GSE1: variants seen among roughly 807,000 people sequenced by gnomAD.
GSE1 encodes the protein genetic suppressor element 1.
Under a neutral mutation model 112.6 loss-of-function variants are expected in GSE1, and 32 were observed. The observed-to-expected ratio is 0.28, with a 90% CI of 0.21 to 0.38. GSE1 has a LOEUF of 0.38. Among genes scored for constraint, GSE1 ranks in the 10% least tolerant of loss-of-function variants. The pLI, the probability that GSE1 is intolerant of heterozygous loss-of-function variation, is 1.00. For synonymous variants in GSE1, 1,115 were observed against 735.6 expected, an observed-to-expected ratio of 1.52 and a Z score of -8.35; for missense variants, 2,348 against 1,699.2, an observed-to-expected ratio of 1.38 and a Z score of -6.71.
chr16:85,598,434 A>G (rs2047328295), intron 1 of GSE1, among the ~76,000 whole-genome samples: 1 of 152,118 alleles, frequency 6.6e-6, no homozygotes, highest in South Asian at 2.1e-4. Context: ...CTGGCCCTCC[A>G]TGCTTGGTAT....
intron 2 of GSE1, among the ~76,000 whole-genome samples, chr16:85,400,313 T>G (rs1258523654): frequency 6.7e-6 from 1 of 149,030 alleles, no homozygotes; most frequent in Non-Finnish European, 1.5e-5. Flanking sequence ...GTGTATGATT[T>G]TGTGTGTGTG....
intron 1 of GSE1, among the ~76,000 whole-genome samples, chr16:85,621,955 A>T (rs1021001027): frequency 2.6e-5 from 4 of 152,094 alleles, no homozygotes; most frequent in African/African-American, 9.7e-5. Flanking sequence ...CTTTGTTACC[A>T]GTCTTGGTGG....
intron 1 of GSE1, among the ~76,000 whole-genome samples, chr16:85,557,973 T>C (rs911234731): frequency 2.0e-5 from 3 of 152,116 alleles, no homozygotes; most frequent in African/African-American, 7.2e-5. Flanking sequence ...CTTTTTTTTT[T>C]CTCCTCCTCT....
intron 1 of GSE1, among the ~76,000 whole-genome samples, chr16:85,598,319 G>A (rs966552078): frequency 6.6e-6 from 1 of 152,102 alleles, no homozygotes; most frequent in African/African-American, 2.4e-5. Flanking sequence ...GCGCAGGGCA[G>A]TTCGGGTGGG....
At position 85,502,151 on chromosome 16, in the gene GSE1, G is replaced by C. The variant is rs2051390120; in HGVS notation, c.2465-131763G>C. The stretch of plus-strand genomic sequence containing the variant: ...GGGAAGGCAGCTGGAGGTTGGGTGA[G>C]ATGGGATGGAACTGCCCAGCTGAGC... On this transcript the variant is annotated intron_variant, in intron 2 of 2. Transcript: ENST00000637419. Among the ~76,000 whole-genome samples, 5 of 152,338 alleles carry C rather than the reference G, an allele frequency of 3.3e-5. No individual in the cohort carries two copies. The South Asian group carries it at 8.3e-4, about 25-fold the overall frequency.
At chr16:85,286,994 G>A (rs1029838497) in intron 1 of GSE1, among the ~76,000 whole-genome samples, 2 of 152,230 alleles carry the variant, frequency 1.3e-5, no homozygotes, top group African/African-American at 2.4e-5. Flanking sequence ...GCTCCAGCGG[G>A]TCACTCTGCC....
intron 2 of GSE1, among the ~76,000 whole-genome samples, chr16:85,637,361 T>C (rs565941417): frequency 6.6e-6 from 1 of 152,194 alleles, no homozygotes; most frequent in East Asian, 1.9e-4. Flanking sequence ...ACGACCCGGG[T>C]CGGGGGAGCT....
rs915142141 is a variant in GSE1 at position 85,549,506 on chromosome 16, A to G, written c.2465-84408A>G. On this transcript the variant is annotated intron_variant, in intron 2 of 2. Transcript: ENST00000637419. The stretch of plus-strand genomic sequence containing the variant: ...TAGACATCACTTTTGGCAGATTACC[A>G]TTCTGCCTGCTGCACAGGGGCAGGC... 5.9e-5 allele frequency among the ~76,000 whole-genome samples: 9 copies of G among 152,224 alleles called. 1 individual carries two copies. The highest frequency in any genetic ancestry group is 1.3e-4 in the Admixed American group (2 of 15,286).
At chr16:85,403,764 T>G (rs1477834393) in intron 2 of GSE1, among the ~76,000 whole-genome samples, 16 of 152,168 alleles carry the variant, frequency 1.1e-4, no homozygotes. Flanking sequence ...ATCCTGCCAC[T>G]GCACTCCAGT....
intron 2 of GSE1, among the ~76,000 whole-genome samples, chr16:85,481,069 C>T (rs1597896955): frequency 6.6e-6 from 1 of 152,170 alleles, no homozygotes; most frequent in African/African-American, 2.4e-5. Context: ...TCGGTTTCGG[C>T]GTTTTTCTCC....
rs60860144 is a variant in GSE1, at chr16:85,235,428, CTGTGTGTGTGTGTGTGTGTGTG to C, written c.2283+63643_2283+63664del. ...GGGTGAGGGGGGTGATGGAAGGGTACTGTGTGTGTGTGTGTGTGTGTGTGTGTGTGTGTGTGTGTGTGTAGGG... is the reference window on the plus strand; with the variant it reads ...GGGTGAGGGGGGTGATGGAAGGGTACTGTGTGTGTGTGTGTGTGTGTAGGG... On this transcript the variant is annotated intron_variant, in intron 1 of 2. Transcript: ENST00000637419. Among the ~76,000 whole-genome samples the C allele has an allele frequency of 2.2e-3, 273 of 126,398 alleles. 1 individual carries two copies. The highest frequency in any genetic ancestry group is 7.7e-3 in the African/African-American group (250 of 32,608). 82.9% of individuals were successfully genotyped at this position (126,398 alleles called of 152,430 possible).
chr16:85,424,817 C>T (rs2048931082), intron 2 of GSE1, among the ~76,000 whole-genome samples: 1 of 152,280 alleles, frequency 6.6e-6, no homozygotes, highest in African/African-American at 2.4e-5. Context: ...GCCGCTGGAG[C>T]CTGTGTTTCC....
At chr16:85,267,984 C>T (rs1464406818) in intron 1 of GSE1, among the ~76,000 whole-genome samples, 2 of 152,136 alleles carry the variant, frequency 1.3e-5, no homozygotes, top group African/African-American at 4.8e-5. Context: ...GGGTTGTGGC[C>T]AGGATTAACT....
chr16:85,196,490 T>G (rs1218619852), intron 1 of GSE1, among the ~76,000 whole-genome samples: 1 of 152,094 alleles, frequency 6.6e-6, no homozygotes, highest in Non-Finnish European at 1.5e-5. Context: ...TTTCTTAATT[T>G]GAGAGAGAAA....
At chr16:85,173,283 T>C (rs1201708411) in intron 1 of GSE1, among the ~76,000 whole-genome samples, 1 of 152,220 alleles carries the variant, frequency 6.6e-6, no homozygotes, top group Non-Finnish European at 1.5e-5. Flanking sequence ...AGTCAGTAGG[T>C]ATCTGAGGCA....
chr16:85,507,653 T>C (rs2051584004), intron 2 of GSE1, among the ~76,000 whole-genome samples: 1 of 152,214 alleles, frequency 6.6e-6, no homozygotes, highest in Admixed American at 6.5e-5. Flanking sequence ...TGCAGGTCTG[T>C]GTCCACACCT....
intron 1 of GSE1, among the ~76,000 whole-genome samples, chr16:85,558,733 G>T (rs1177711369): frequency 6.6e-6 from 1 of 152,182 alleles, no homozygotes; most frequent in Admixed American, 6.5e-5. Flanking sequence ...TCCCCACTGG[G>T]GTTTTACACT....
chr16:85,422,625 GGA>G (rs2048876501), intron 2 of GSE1, among the ~76,000 whole-genome samples: 1 of 152,158 alleles, frequency 6.6e-6, no homozygotes, highest in African/African-American at 2.4e-5. Flanking sequence ...GAAAGGGGCA[GGA>G]GAGAGGGGGC....
chr16:85,256,564 C>A (rs923685772), intron 1 of GSE1, among the ~76,000 whole-genome samples: 4 of 152,246 alleles, frequency 2.6e-5, no homozygotes, highest in African/African-American at 9.6e-5. Flanking sequence ...GGGCCTGATC[C>A]AGCACCTGGC....
Sources: gnomAD v4.1 joint callset for allele counts (sites outside exome capture counted in the v4.1 genomes callset) on GRCh38, gnomAD v4.1.1 for gene constraint, MANE v1.5 for transcripts, NCBI Gene and HGNC (gene_info 2026-07-23, HGNC 2026-07-21) for gene names.